The following GABRG2 variants were observed in gnomAD, a reference collection of about 807,000 sequenced individuals.
GABRG2 encodes the protein gamma-aminobutyric acid receptor subunit gamma-2.
GABRG2 carries 16 observed loss-of-function variants against 56.4 expected under a neutral mutation model. The ratio of observed to expected loss-of-function variants is 0.28; its 90% CI spans 0.19 to 0.43. The LOEUF (loss-of-function observed/expected upper bound fraction) is 0.43. Among genes scored for constraint, GABRG2 ranks in the 20% least tolerant of loss-of-function variants. The probability of loss-of-function intolerance (pLI) is 1.00; values close to 1 mark genes in which losing one functional copy is unlikely to be tolerated. For missense variants in GABRG2, 327 were observed against 582.7 expected (o/e 0.56, Z 4.52); for synonymous variants, 208 against 205.5 (o/e 1.01, Z -0.10).
chr5:162,101,165 A>T, intron 4 of GABRG2, 70 bp from the exon 5 acceptor site: 1 of 1,029,266 alleles, frequency 9.7e-7, no homozygotes. Context: ...ACAATCATTT[A>T]AAATTGTGCA....
chr5:162,149,671 T>C, intron 8 of GABRG2: 1 of 586,554 alleles, frequency 1.7e-6, no homozygotes, highest in African/African-American at 1.8e-5. Flanking sequence ...TGGAGTGCAG[T>C]GGCGGGATCT....
chr5:162,129,975 T>C (rs1372185510), intron 6 of GABRG2, among the ~76,000 whole-genome samples: 1 of 151,934 alleles, frequency 6.6e-6, no homozygotes, highest in Non-Finnish European at 1.5e-5. Flanking sequence ...AAGTCACATA[T>C]AGGCAGGAAT....
chr5:162,076,902 C>T (rs1299883150), intron 1 of GABRG2, among the ~76,000 whole-genome samples: 1 of 151,934 alleles, frequency 6.6e-6, no homozygotes, highest in Non-Finnish European at 1.5e-5. Flanking sequence ...GCCCAAAATA[C>T]CTTTCTGAAT....
chr5:162,093,305 G>A (rs1760748557), intron 1 of GABRG2, among the ~76,000 whole-genome samples: 1 of 152,062 alleles, frequency 6.6e-6, no homozygotes, highest in Non-Finnish European at 1.5e-5. Flanking sequence ...CCTGGGGGAA[G>A]CAAAAGCAAA....
At position 162,077,073 on chromosome 5, in the gene GABRG2, C is replaced by CTGTGTGTGTGTG. The variant is rs55938019; in HGVS notation, c.107+8994_107+9005dup. Among the ~76,000 whole-genome samples, 407 of 146,726 alleles carry CTGTGTGTGTGTG rather than the reference C, an allele frequency of 2.8e-3. 4 individuals carry two copies. The highest frequency in any genetic ancestry group is 9.5e-3 in the African/African-American group (377 of 39,478). On this transcript the variant is annotated intron_variant, in intron 1 of 9. Coordinates refer to ENST00000639213, the MANE Select transcript of GABRG2 (RefSeq NM_198904.4). Reference sequence around the variant, plus strand: ...GTATGCAGTATTATAACAACTACCCCTGTGTGTGTGTGTGTGTGTGTGTGT... The same window carrying CTGTGTGTGTGTG: ...GTATGCAGTATTATAACAACTACCCCTGTGTGTGTGTGTGTGTGTGTGTGTGTGTGTGTGTGT...
intron 1 of GABRG2, among the ~76,000 whole-genome samples, chr5:162,070,239 C>G (rs979066672): frequency 2.0e-4 from 30 of 151,908 alleles, no homozygotes; most frequent in African/African-American, 7.2e-4. Flanking sequence ...AATGGAAACT[C>G]CCAAAAGTGG....
chr5:162,107,487 G>A (rs903280416), intron 6 of GABRG2, among the ~76,000 whole-genome samples: 1 of 152,116 alleles, frequency 6.6e-6, no homozygotes, highest in African/African-American at 2.4e-5. Flanking sequence ...AAGAATAGAA[G>A]CATTTCATAT....
chr5:162,124,958 A>ATGTGTGTGTGTG lies in GABRG2; in HGVS notation c.770-17180_770-17169dup, dbSNP rs55993809. Among the ~76,000 whole-genome samples, 129 of 143,978 alleles carry ATGTGTGTGTGTG rather than the reference A, an allele frequency of 9.0e-4. 2 individuals are homozygous for ATGTGTGTGTGTG. The highest frequency in any genetic ancestry group is 3.1e-3 in the African/African-American group (121 of 39,276). The allele number at this position is 143,978 out of a possible 152,430, so 94.5% of individuals were successfully genotyped here. A position where few individuals can be genotyped will look rare whatever the true frequency, so the allele number is the denominator to read the frequency against. On this transcript the variant is annotated intron_variant, in intron 6 of 9. Transcript: ENST00000639213. Reference sequence around the variant, plus strand: ...TTGCTGTTCTTTCTGGTATAAAGAGATGTGTGTGTGTGTGTGTGTGTGTGT... The same window carrying ATGTGTGTGTGTG: ...TTGCTGTTCTTTCTGGTATAAAGAGATGTGTGTGTGTGTGTGTGTGTGTGTGTGTGTGTGTGT...
At chr5:162,097,298 A>T (rs1380295308) in intron 3 of GABRG2, among the ~76,000 whole-genome samples, 2 of 152,176 alleles carry the variant, frequency 1.3e-5, no homozygotes, top group African/African-American at 4.8e-5. Context: ...TAAACATCCC[A>T]CAATGCCCGG....
At chr5:162,142,140 G>T in intron 6 of GABRG2, 24 bp from the exon 7 acceptor site, 2 of 1,612,654 alleles carry the variant, frequency 1.2e-6, no homozygotes, top group South Asian at 1.1e-5. Flanking sequence ...AGGGTTGTAT[G>T]GTGTTATCTT....
At chr5:162,099,024 T>G (rs2113338676) in intron 4 of GABRG2, 1 of 152,156 alleles carries the variant, frequency 6.6e-6, no homozygotes, top group Non-Finnish European at 1.5e-5. Flanking sequence ...AATATTAAAA[T>G]TATTTATACA....
chr5:162,149,802 C>T (rs947458623), intron 8 of GABRG2: 64 of 366,934 alleles, frequency 1.7e-4, no homozygotes, highest in Admixed American at 4.3e-4. Flanking sequence ...TTAGTACAGA[C>T]GGGGTTTCAC....
chr5:162,090,990 C>T (rs1021357534), intron 1 of GABRG2, among the ~76,000 whole-genome samples: 2 of 152,084 alleles, frequency 1.3e-5, no homozygotes, highest in African/African-American at 2.4e-5. Context: ...AAAGAAACAG[C>T]GTAGCTTTAA....
At chr5:162,127,455 G>T (rs1357989549) in intron 6 of GABRG2, among the ~76,000 whole-genome samples, 1 of 151,772 alleles carries the variant, frequency 6.6e-6, no homozygotes, top group Non-Finnish European at 1.5e-5. Flanking sequence ...TATAAAATTT[G>T]GGGTATCTAT....
In GABRG2 at chr5:162,068,043, C is replaced by G. The variant is rs750798004; in HGVS notation, c.44C>G (p.Ser15Trp). 6.2e-7 allele frequency: 1 copy of G among 1,612,930 alleles called. No individual in the cohort carries two copies. Among genetic ancestry groups the G allele is most frequent in the South Asian group, 1.1e-5 (1 of 91,022 alleles). The change falls in exon 1 of 10, where the codon TCG becomes TGG. Residue 15 changes from serine (S) to tryptophan (W), a missense_variant. Coordinates refer to ENST00000639213, the MANE Select transcript of GABRG2 (RefSeq NM_198904.4). ...NIWSTGSSVY[S>W]TPVFSQKMTV... is the part of the protein sequence containing the mutation. ...TGGAGCACAGGAAGCTCAGTCTACTCGACTCCTGTATTTTCACAGAAAATG... is the reference window on the plus strand; with the variant it reads ...TGGAGCACAGGAAGCTCAGTCTACTGGACTCCTGTATTTTCACAGAAAATG...
At chr5:162,125,977 G>A (rs1392023650) in intron 6 of GABRG2, among the ~76,000 whole-genome samples, 1 of 151,950 alleles carries the variant, frequency 6.6e-6, no homozygotes, top group African/African-American at 2.4e-5. Flanking sequence ...TTTAAAAATA[G>A]TAATGTCTTG....
chr5:162,086,734 C>T (rs1172397880), intron 1 of GABRG2, among the ~76,000 whole-genome samples: 2 of 151,822 alleles, frequency 1.3e-5, no homozygotes, highest in Non-Finnish European at 2.9e-5. Flanking sequence ...ATCTTTTGCT[C>T]AGATTTTTAT....
chr5:162,136,100 C>T (rs1012521818), intron 6 of GABRG2, among the ~76,000 whole-genome samples: 2 of 152,126 alleles, frequency 1.3e-5, no homozygotes, highest in African/African-American at 4.8e-5. Context: ...GAAAATAAAT[C>T]ATATGGCTGA....
At chr5:162,112,693 G>A (rs1213404815) in intron 6 of GABRG2, among the ~76,000 whole-genome samples, 1 of 151,874 alleles carries the variant, frequency 6.6e-6, no homozygotes, top group Non-Finnish European at 1.5e-5. Context: ...TTTTATGAAG[G>A]CCACAACATT....
Sources: gnomAD v4.1 joint callset for allele counts (sites outside exome capture counted in the v4.1 genomes callset) on GRCh38, gnomAD v4.1.1 for gene constraint, MANE v1.5 for transcripts, NCBI Gene and HGNC (gene_info 2026-07-23, HGNC 2026-07-21) for gene names.